Variants in DAB1 observed in about 807,000 individuals in gnomAD.
The protein encoded by DAB1 is disabled homolog 1.
A neutral mutation model predicts 64.6 loss-of-function variants in DAB1; 15 were observed. The ratio of observed to expected loss-of-function variants is 0.23; its 90% CI spans 0.16 to 0.36. The LOEUF (loss-of-function observed/expected upper bound fraction) is 0.36, where lower values mean the gene tolerates loss of function less well. Ranked by LOEUF, DAB1 falls within the 10% of genes least tolerant of loss-of-function variation. The pLI is 1.00. For missense variants in DAB1, 596 were observed against 706.7 expected (o/e 0.84, Z 1.78); for synonymous variants, 235 against 251.9 (o/e 0.93, Z 0.64).
intron 5 of DAB1, among the ~76,000 whole-genome samples, chr1:57,961,804 A>C (rs1177837425): frequency 2.0e-5 from 3 of 152,006 alleles, no homozygotes; most frequent in Non-Finnish European, 2.9e-5. Flanking sequence ...CCCCATCTCT[A>C]CTAAAAAATA....
chr1:58,242,880 T>C (rs186532929), intron 4 of DAB1, among the ~76,000 whole-genome samples: 4 of 152,058 alleles, frequency 2.6e-5, no homozygotes, highest in East Asian at 3.9e-4. Flanking sequence ...CGCCCTCATA[T>C]GGAGAAGCAG....
intron 5 of DAB1, among the ~76,000 whole-genome samples, chr1:57,915,732 C>T (rs181432179): frequency 4.6e-5 from 7 of 152,214 alleles, no homozygotes; most frequent in South Asian, 2.1e-4. Flanking sequence ...GTGACGTAGA[C>T]GGGGAAAGGG....
intron 1 of DAB1, among the ~76,000 whole-genome samples, chr1:57,404,290 T>A (rs891814954): frequency 6.6e-6 from 1 of 152,208 alleles, no homozygotes; most frequent in African/African-American, 2.4e-5. Flanking sequence ...AAAACACGTC[T>A]AGCAAAAAAT....
chr1:57,545,373 A>G (rs1644845149), intron 7 of DAB1, among the ~76,000 whole-genome samples: 1 of 152,150 alleles, frequency 6.6e-6, no homozygotes, highest in Non-Finnish European at 1.5e-5. Context: ...TGTGAGCTCA[A>G]TCAGGGCAGT....
At chr1:57,966,068 A>G (rs1362090009) in intron 5 of DAB1, among the ~76,000 whole-genome samples, 2 of 152,148 alleles carry the variant, frequency 1.3e-5, no homozygotes, top group Middle Eastern at 6.3e-3. Context: ...GCACAAATGG[A>G]TTAGTATTAT....
intron 4 of DAB1, among the ~76,000 whole-genome samples, chr1:58,172,653 C>T (rs530438223): frequency 3.7e-4 from 57 of 152,300 alleles, no homozygotes; most frequent in Non-Finnish European, 7.1e-4. Flanking sequence ...GTCCCCTTAG[C>T]TAATCCTGAC....
chr1:57,746,926 C>T (rs1353871231), intron 6 of DAB1, among the ~76,000 whole-genome samples: 5 of 151,710 alleles, frequency 3.3e-5, no homozygotes, highest in African/African-American at 1.2e-4. Context: ...TAGATATTTG[C>T]CCTGTGTTAT....
intron 5 of DAB1, among the ~76,000 whole-genome samples, chr1:57,903,355 T>G (rs1202847): frequency 0.18 from 27,268 of 152,190 alleles, 2,778 homozygotes; most frequent in Admixed American, 0.27. Context: ...GAGCTTTCCC[T>G]CTCCCTTTTC....
intron 2 of DAB1, among the ~76,000 whole-genome samples, chr1:57,238,895 C>CACACA (rs1558002698): frequency 0.01 from 1,306 of 124,562 alleles, 24 homozygotes; most frequent in African/African-American, 0.035. Context: ...ACACACACAC[C>CACACA]CCTAACTTGA....
chr1:57,465,290 T>A (rs1410361516), intron 7 of DAB1, among the ~76,000 whole-genome samples: 1 of 152,196 alleles, frequency 6.6e-6, no homozygotes, highest in Non-Finnish European at 1.5e-5. Context: ...TGTATCAGAG[T>A]ACTCTGCACA....
At chr1:57,609,668 T>A (rs1321573647) in intron 7 of DAB1, among the ~76,000 whole-genome samples, 1 of 152,218 alleles carries the variant, frequency 6.6e-6, no homozygotes, top group Non-Finnish European at 1.5e-5. Flanking sequence ...TAAGATTAAA[T>A]AAAGTAACAT....
chr1:57,417,668 A>T (rs1349124779), intron 1 of DAB1, among the ~76,000 whole-genome samples: 2 of 152,186 alleles, frequency 1.3e-5, no homozygotes, highest in Admixed American at 1.3e-4. Flanking sequence ...ATTTTTGAAC[A>T]TGGAACTTAT....
intron 4 of DAB1, among the ~76,000 whole-genome samples, chr1:58,268,571 A>G (rs1478961099): frequency 2.0e-5 from 3 of 152,146 alleles, no homozygotes; most frequent in African/African-American, 7.2e-5. Context: ...GATCTGAAAT[A>G]ATATATATAA....
chr1:57,289,636 C>T (rs1448417313), intron 2 of DAB1, among the ~76,000 whole-genome samples: 1 of 152,208 alleles, frequency 6.6e-6, no homozygotes. Flanking sequence ...ATGTCCCTTA[C>T]TTCATATAGA....
rs561946065 is a variant in DAB1 at position 58,355,545 on chromosome 1, C to T, written n.258-12142G>A. 2.4e-3 allele frequency among the ~76,000 whole-genome samples: 364 copies of T among 152,250 alleles called. 2 individuals carry two copies. Among genetic ancestry groups the T allele is most frequent in the Admixed American group, 5.8e-3 (88 of 15,290 alleles). Reference sequence around the variant, plus strand: ...TTGTCACTTTCACGAATAAAAATGTCCAGATTAGATTAGTTTAAAACTTCA... The same window carrying T: ...TTGTCACTTTCACGAATAAAAATGTTCAGATTAGATTAGTTTAAAACTTCA... On this transcript the variant is annotated intron_variant and non_coding_transcript_variant, in intron 3 of 20. Transcript: ENST00000485760.
intron 5 of DAB1, among the ~76,000 whole-genome samples, chr1:58,102,957 C>T (rs1210314299): frequency 6.6e-6 from 1 of 152,106 alleles, no homozygotes; most frequent in Non-Finnish European, 1.5e-5. Flanking sequence ...TTCCAAGAGG[C>T]TCTACTGCCA....
intron 2 of DAB1, among the ~76,000 whole-genome samples, chr1:57,153,919 A>G (rs529424853): frequency 8.5e-5 from 13 of 152,248 alleles, no homozygotes; most frequent in African/African-American, 2.9e-4. Flanking sequence ...GATTACAGGC[A>G]TGAGCCACCA....
intron 6 of DAB1, among the ~76,000 whole-genome samples, chr1:57,670,460 T>C (rs1646497275): frequency 6.6e-6 from 1 of 152,124 alleles, no homozygotes; most frequent in African/African-American, 2.4e-5. Context: ...GCTACTGTTG[T>C]TTGATGTCTC....
chr1:57,312,687 T>G (rs1281709517), intron 1 of DAB1, among the ~76,000 whole-genome samples: 1 of 152,042 alleles, frequency 6.6e-6, no homozygotes, highest in African/African-American at 2.4e-5. Context: ...TGGAGTAAAG[T>G]GTCTTGTGCC....
Sources: gnomAD v4.1 joint callset for allele counts (sites outside exome capture counted in the v4.1 genomes callset) on GRCh38, gnomAD v4.1.1 for gene constraint, MANE v1.5 for transcripts, NCBI Gene and HGNC (gene_info 2026-07-23, HGNC 2026-07-21) for gene names.